Variants in MAP7 observed in about 807,000 individuals in gnomAD.
MAP7 encodes ensconsin.
MAP7 carries 52 observed loss-of-function variants against 94.8 expected under a neutral mutation model. The observed-to-expected ratio is 0.55, with a 90% CI of 0.44 to 0.69. The LOEUF is 0.69. MAP7 is among the 30% of genes least tolerant of loss of function. MAP7 has a pLI of 0.00. For missense variants in MAP7, 940 were observed against 964.6 expected, an observed-to-expected ratio of 0.97 and a Z score of 0.34; for synonymous variants, 350 against 357.0, an observed-to-expected ratio of 0.98 and a Z score of 0.22.
Position 136,458,159 on chromosome 6 carries a change from A to G in MAP7, c.68-36360T>C, listed in dbSNP as rs73567676. Among the ~76,000 whole-genome samples, 862 of 152,314 alleles carry G rather than the reference A, an allele frequency of 5.7e-3. 4 individuals carry two copies. Among genetic ancestry groups the G allele is most frequent in the East Asian group, 0.039 (202 of 5,188 alleles). ...TATCAACAAACTATCCAAAAGGGAA[A>G]CTAAGAAAACAATCCTATCTACAAT... On this transcript the variant is annotated intron_variant, in intron 1 of 17. Coordinates refer to ENST00000354570, the MANE Select transcript of MAP7 (RefSeq NM_003980.6).
chr6:136,549,665 A>G (rs1829984469), intron 1 of MAP7, among the ~76,000 whole-genome samples: 1 of 152,172 alleles, frequency 6.6e-6, no homozygotes, highest in Admixed American at 6.5e-5. Context: ...TGCACAGACT[A>G]AAAACAAAAA....
chr6:136,346,059 T>G lies in MAP7; in HGVS notation c.2036A>C (p.Gln679Pro). The G allele has an allele frequency of 6.2e-7, 1 of 1,611,856 alleles. No individual in the cohort carries two copies. The highest frequency in any genetic ancestry group is 8.5e-7 in the Non-Finnish European group (1 of 1,178,558). Residue 679 changes from glutamine to proline, a missense_variant, in exon 17 of 18, where the codon CAA becomes CCA. Physicochemically the swap from Gln to Pro is moderately conservative, Grantham distance 76 (BLOSUM62 -1). Coordinates refer to ENST00000354570, the MANE Select transcript of MAP7 (RefSeq NM_003980.6). ...TVESTPDLEK[Q>P]PNENGVSVQN... ...AACAGATACACCATTTTCATTTGGT[T>G]GTTTTTCCAAATCGGGAGTGCTAAG...
rs910368887 is a variant in MAP7 at position 136,526,570 on chromosome 6, G to T, written c.67+23772C>A. 4.1e-6 allele frequency: 4 copies of T among 985,392 alleles called. No homozygotes were observed. In the East Asian group the frequency reaches 3.4e-4, roughly 84 times the overall value. The allele number at this position is 985,392 out of a possible 1,614,324, so 61.0% of individuals were successfully genotyped here. On this transcript the variant is annotated intron_variant, in intron 1 of 17. Transcript: ENST00000354570. ...CCAGCTGAGAAGCGGCAGCTTGCAG[G>T]ATGCTGGGTTCTGGGAACTCACCAG...
chr6:136,407,198 C>T (rs1010242934), intron 3 of MAP7, among the ~76,000 whole-genome samples: 2 of 152,186 alleles, frequency 1.3e-5, no homozygotes, highest in Non-Finnish European at 1.5e-5. Context: ...ATGTGTTTTA[C>T]ACTTAGCACT....
At chr6:136,523,284 G>A (rs1318190529) in intron 1 of MAP7, among the ~76,000 whole-genome samples, 2 of 152,132 alleles carry the variant, frequency 1.3e-5, no homozygotes, top group African/African-American at 4.8e-5. Context: ...CATATCCAAC[G>A]TCAGGAAGCA....
Position 136,377,759 on chromosome 6 carries a change from T to C in MAP7, c.747A>G (p.Glu249=). ...RSKSTAALSG[E]AASCSPIIMP... ...GTTCCACCTGGACAGTTTTACCTGC[T>C]TCTCCAGACAAGGCAGCTGTGCTTT... The change falls in exon 7 of 18, where the codon GAA becomes GAG. Residue 249 remains glutamate, a synonymous_variant. Coordinates refer to ENST00000354570, the MANE Select transcript of MAP7 (RefSeq NM_003980.6). 6.2e-7 allele frequency: 1 copy of C among 1,613,692 alleles called. No homozygotes were observed. Among genetic ancestry groups the C allele is most frequent in the Non-Finnish European group, 8.5e-7 (1 of 1,179,606 alleles).
At chr6:136,524,755 G>A (rs924565129) in intron 1 of MAP7, among the ~76,000 whole-genome samples, 1 of 152,176 alleles carries the variant, frequency 6.6e-6, no homozygotes, top group Non-Finnish European at 1.5e-5. Flanking sequence ...AAAAGAAAAC[G>A]AGTCCTCAGA....
intron 1 of MAP7, among the ~76,000 whole-genome samples, chr6:136,452,154 A>G (rs1332223500): frequency 2.6e-5 from 4 of 152,160 alleles, no homozygotes. Flanking sequence ...AGATCAAGTC[A>G]CTGAACTCCA....
chr6:136,420,275 G>T, intron 2 of MAP7: 1 of 893,060 alleles, frequency 1.1e-6, no homozygotes, highest in Non-Finnish European at 1.9e-6. Context: ...CAGAAGAGCC[G>T]GCCATGCTTC....
At chr6:136,406,380 G>A (rs1452975904) in intron 3 of MAP7, among the ~76,000 whole-genome samples, 1 of 152,112 alleles carries the variant, frequency 6.6e-6, no homozygotes, top group Non-Finnish European at 1.5e-5. Context: ...ATGACAACTG[G>A]ATACCTGTCC....
chr6:136,507,199 G>A (rs1441561846), intron 1 of MAP7, among the ~76,000 whole-genome samples: 1 of 151,950 alleles, frequency 6.6e-6, no homozygotes, highest in East Asian at 1.9e-4. Context: ...GCAGCGTTTT[G>A]AGCTGAAATG....
At chr6:136,363,378 C>G (rs1394746345) in intron 10 of MAP7, among the ~76,000 whole-genome samples, 1 of 152,256 alleles carries the variant, frequency 6.6e-6, no homozygotes, top group Non-Finnish European at 1.5e-5. Flanking sequence ...CAATTCTGCA[C>G]CACAGTGAGC....
intron 1 of MAP7, among the ~76,000 whole-genome samples, chr6:136,430,980 C>T (rs1449142242): frequency 2.0e-5 from 3 of 152,224 alleles, no homozygotes; most frequent in Non-Finnish European, 4.4e-5. Flanking sequence ...CTGACACTGA[C>T]ACGCCATCAT....
chr6:136,486,601 T>C (rs1264360382), intron 1 of MAP7, among the ~76,000 whole-genome samples: 2 of 152,190 alleles, frequency 1.3e-5, no homozygotes, highest in East Asian at 3.8e-4. Flanking sequence ...CTGACCTAGT[T>C]AGATTCTGCA....
At chr6:136,523,583 T>C (rs996978942) in intron 1 of MAP7, among the ~76,000 whole-genome samples, 12 of 152,210 alleles carry the variant, frequency 7.9e-5, no homozygotes, top group African/African-American at 2.9e-4. Flanking sequence ...GTGTTATTCA[T>C]TGAGCATAAT....
chr6:136,451,116 T>C (rs1442304423), intron 1 of MAP7, among the ~76,000 whole-genome samples: 2 of 152,324 alleles, frequency 1.3e-5, no homozygotes, highest in African/African-American at 4.8e-5. Flanking sequence ...AAATCTAAAC[T>C]AGAAACTCTT....
chr6:136,550,361 G>A lies in MAP7; in HGVS notation c.48C>T (p.Gly16=). 1 of 1,528,312 alleles carries A rather than the reference G, an allele frequency of 6.5e-7. No homozygotes were observed. Among genetic ancestry groups the A allele is most frequent in the Non-Finnish European group, 8.7e-7 (1 of 1,145,986 alleles). The allele number at this position is 1,528,312 out of a possible 1,614,324, so 94.7% of individuals were successfully genotyped here. A position where few individuals can be genotyped will look rare whatever the true frequency, so the allele number is the denominator to read the frequency against. The change falls in exon 1 of 18, where the codon GGC becomes GGT. Residue 16 remains glycine (G), a synonymous_variant. Coordinates refer to ENST00000354570, the MANE Select transcript of MAP7 (RefSeq NM_003980.6). This position sits in a 1 kb window ranked among gnomAD's most constrained non-coding sequence, Gnocchi z 5.1. ...GGTCACCTGTTTCGCTTCGCACTGC[G>A]CCGTCGCCGCCCCTGTGGCCGTCGC... ...AGGDGHRGGD[G]AVRSETAPDS...
chr6:136,472,848 T>G (rs1809503818), intron 1 of MAP7, among the ~76,000 whole-genome samples: 1 of 151,822 alleles, frequency 6.6e-6, no homozygotes, highest in Non-Finnish European at 1.5e-5. Context: ...AAAAAATAAA[T>G]AAAAATAAAA....
At chr6:136,360,207 C>T (rs1400668328) in intron 13 of MAP7, among the ~76,000 whole-genome samples, 176 bp from the exon 14 acceptor site, 4 of 151,436 alleles carry the variant, frequency 2.6e-5, no homozygotes, top group Non-Finnish European at 5.9e-5. Flanking sequence ...GCTGGAGTGC[C>T]GTGTGGCAAG....
Sources: allele counts gnomAD v4.1 joint callset (sites outside exome capture counted in the v4.1 genomes callset), GRCh38; gene constraint gnomAD v4.1.1; non-coding constraint Gnocchi (gnomAD v3.1); transcripts MANE v1.5; gene names NCBI Gene and HGNC (gene_info 2026-07-23, HGNC 2026-07-21).